Variants in ANXA13 observed in about 807,000 individuals in gnomAD.
ANXA13 encodes the protein annexin XIII.
In ANXA13, 36 loss-of-function variants were observed where a neutral mutation model predicts 46.6. The observed-to-expected ratio is 0.77, with a 90% confidence interval of 0.59 to 1.02. ANXA13 has a LOEUF of 1.02. ANXA13 is among the 50% of genes least tolerant of loss of function. The probability of loss-of-function intolerance (pLI) is 0.00; values close to 1 mark genes in which losing one functional copy is unlikely to be tolerated. For synonymous variants in ANXA13, 163 were observed against 152.9 expected, an observed-to-expected ratio of 1.07 and a Z score of -0.49; for missense variants, 417 against 396.5, an observed-to-expected ratio of 1.05 and a Z score of -0.44.
chr8:123,717,081 A>G (rs778616561), intron 1 of ANXA13, among the ~76,000 whole-genome samples: 1 of 152,176 alleles, frequency 6.6e-6, no homozygotes, highest in African/African-American at 2.4e-5. Flanking sequence ...CAGGAGACAG[A>G]TAAAAACAGC....
intron 8 of ANXA13, among the ~76,000 whole-genome samples, chr8:123,691,005 A>G (rs779007786): frequency 7.2e-5 from 11 of 152,194 alleles, no homozygotes; most frequent in Admixed American, 1.3e-4. Flanking sequence ...TTTTATAGCT[A>G]TATAAGTCTT....
chr8:123,698,346 A>G lies in ANXA13; in HGVS notation c.357+43T>C, dbSNP rs778170692. 18 of 1,603,264 alleles carry G rather than the reference A, an allele frequency of 1.1e-5. No homozygotes were observed. In the South Asian group the frequency reaches 1.8e-4, roughly 16 times the overall value. ...CTTCTGGGGGGCTGCAACCATCTCTATTGGGTGTGTGATGCTCCCTTGCGG... is the reference window on the plus strand; with the variant it reads ...CTTCTGGGGGGCTGCAACCATCTCTGTTGGGTGTGTGATGCTCCCTTGCGG... On this transcript the variant is annotated intron_variant, in intron 4 of 10. Transcript: ENST00000419625.
At chr8:123,737,254 A>ATAGTTTAAAT (rs1814290926) in intron 1 of ANXA13, 66 bp downstream of exon 1, 1 of 1,440,526 alleles carries the variant, frequency 6.9e-7, no homozygotes, top group African/African-American at 1.4e-5. Context: ...TCATGATTTT[A>ATAGTTTAAAT]TAGTTTAAAT....
intron 10 of ANXA13, among the ~76,000 whole-genome samples, chr8:123,683,227 T>C (rs994381020): frequency 4.0e-5 from 6 of 151,354 alleles, no homozygotes; most frequent in African/African-American, 1.2e-4. Context: ...TGGCCTTCAA[T>C]AGAAAAAGAT....
At chr8:123,731,370 A>G (rs1412473783) in intron 1 of ANXA13, among the ~76,000 whole-genome samples, 1 of 152,236 alleles carries the variant, frequency 6.6e-6, no homozygotes, top group African/African-American at 2.4e-5. Flanking sequence ...GTAAATAGAT[A>G]TAAGAATTTG....
At chr8:123,717,778 AC>A (rs1378807385) in intron 1 of ANXA13, among the ~76,000 whole-genome samples, 2 of 152,200 alleles carry the variant, frequency 1.3e-5, no homozygotes, top group Non-Finnish European at 2.9e-5. Flanking sequence ...GGCCGAGGCG[AC>A]TTTCTGACGG....
At chr8:123,693,876 T>A (rs997468628) in intron 6 of ANXA13, 97 bp from the exon 7 acceptor site, 165 of 1,041,952 alleles carry the variant, frequency 1.6e-4, no homozygotes, top group Non-Finnish European at 2.2e-4. Flanking sequence ...AGAGGTGAAT[T>A]CTTTCTCAGC....
chr8:123,687,065 C>T (rs1432900475), intron 9 of ANXA13, among the ~76,000 whole-genome samples: 1 of 152,036 alleles, frequency 6.6e-6, no homozygotes, highest in Non-Finnish European at 1.5e-5. Flanking sequence ...TGATTTGTAC[C>T]CACCAGCTTA....
intron 2 of ANXA13, 46 bp from the exon 3 acceptor site, chr8:123,702,782 AG>A: frequency 6.4e-7 from 1 of 1,553,244 alleles, no homozygotes; most frequent in African/African-American, 1.4e-5. Context: ...ATAAGAAACA[AG>A]GTGGAAGTTT....
intron 1 of ANXA13, among the ~76,000 whole-genome samples, chr8:123,724,261 T>G (rs1813940281): frequency 6.6e-6 from 1 of 152,160 alleles, no homozygotes; most frequent in South Asian, 2.1e-4. Flanking sequence ...TTGGGGCTCT[T>G]AGAATTTAAT....
chr8:123,704,351 C>T (rs1813502036), intron 2 of ANXA13, among the ~76,000 whole-genome samples: 1 of 152,124 alleles, frequency 6.6e-6, no homozygotes, highest in African/African-American at 2.4e-5. Context: ...AGCACCTCTT[C>T]TCGGTTCCTG....
Position 123,702,710 on chromosome 8 carries a change from T to C in ANXA13, c.118A>G (p.Ile40Val). 1 of 1,614,054 alleles carries C rather than the reference T, an allele frequency of 6.2e-7. No homozygotes were observed. The highest frequency in any genetic ancestry group is 1.6e-4 in the Middle Eastern group (1 of 6,062). Residue 40 changes from isoleucine to valine, a missense_variant, in exon 3 of 11, where the codon ATC becomes GTC. Ile to Val is a conservative substitution (Grantham distance 29). Transcript: ENST00000419625. ...MGTNEAAIIE[I>V]LSGRTSDERQ... The stretch of plus-strand genomic sequence containing the variant: ...TCATCTGATGTCCTGCCCGATAAGA[T>C]TTCAATGATGGCTGCTTCATTGGTC...
At chr8:123,687,749 C>T (rs952130519) in intron 9 of ANXA13, among the ~76,000 whole-genome samples, 2 of 152,192 alleles carry the variant, frequency 1.3e-5, no homozygotes, top group Non-Finnish European at 2.9e-5. Flanking sequence ...ATTCCTTCTG[C>T]CATTTGGGTT....
Position 123,692,430 on chromosome 8 carries a change from T to C in ANXA13, c.642+767A>G, listed in dbSNP as rs183591929. 5.3e-5 allele frequency among the ~76,000 whole-genome samples: 8 copies of C among 152,216 alleles called. No individual in the cohort carries two copies. In the East Asian group the frequency reaches 1.2e-3, roughly 22 times the overall value. Reference sequence around the variant, plus strand: ...ATAAAATAGGATGCCAAAAAAAAAATCTGATATTCCACTCCAGGCGTTTTG... The same window carrying C: ...ATAAAATAGGATGCCAAAAAAAAAACCTGATATTCCACTCCAGGCGTTTTG... On this transcript the variant is annotated intron_variant, in intron 8 of 10. Coordinates refer to ENST00000419625, the MANE Select transcript of ANXA13 (RefSeq NM_004306.4).
At chr8:123,685,955 A>T (rs900218146) in intron 9 of ANXA13, among the ~76,000 whole-genome samples, 6 of 152,202 alleles carry the variant, frequency 3.9e-5, no homozygotes, top group Admixed American at 3.9e-4. Flanking sequence ...TCTTCCATAC[A>T]GCACGGCTTG....
intron 9 of ANXA13, among the ~76,000 whole-genome samples, chr8:123,688,489 C>A (rs1194122410): frequency 6.6e-6 from 1 of 152,148 alleles, no homozygotes; most frequent in African/African-American, 2.4e-5. Flanking sequence ...TGTGGTGTGC[C>A]ACTCAGATGC....
intron 1 of ANXA13, among the ~76,000 whole-genome samples, chr8:123,734,878 A>T (rs16898809): frequency 0.084 from 12,732 of 151,246 alleles, 1,728 homozygotes; most frequent in African/African-American, 0.29. Context: ...ATACTTCAAT[A>T]ATTGCAGGCT....
intron 1 of ANXA13, 113 bp from the exon 2 acceptor site, chr8:123,712,866 C>T (rs1165672679): frequency 1.1e-6 from 1 of 881,638 alleles, no homozygotes. Context: ...CAGGGACCAG[C>T]TGTCACTTCA....
At position 123,720,772 on chromosome 8, in the gene ANXA13, A is replaced by AGGG. The variant is rs376173006; in HGVS notation, c.16-8022_16-8020dup. Among the ~76,000 whole-genome samples, 345 of 151,966 alleles carry AGGG rather than the reference A, an allele frequency of 2.3e-3. 3 individuals are homozygous for AGGG. Among genetic ancestry groups the AGGG allele is most frequent in the African/African-American group, 7.9e-3 (329 of 41,410 alleles). On this transcript the variant is annotated intron_variant, in intron 1 of 10. Coordinates refer to ENST00000419625, the MANE Select transcript of ANXA13 (RefSeq NM_004306.4). ...TATATTTAAAAATTTTTGTAGCAAG[A>AGGG]GGGACTCACTATGTTGCCCAGGCTG...
Sources: gnomAD v4.1 joint callset for allele counts (sites outside exome capture counted in the v4.1 genomes callset) on GRCh38, gnomAD v4.1.1 for gene constraint, MANE v1.5 for transcripts, NCBI Gene and HGNC (gene_info 2026-07-23, HGNC 2026-07-21) for gene names.